The following TCEANC2 variants were observed in gnomAD, a reference collection of about 807,000 sequenced individuals.
TCEANC2 encodes transcription elongation factor A N-terminal and central domain containing 2.
TCEANC2 carries 20 observed loss-of-function variants against 22.8 expected under a neutral mutation model. The observed-to-expected ratio is 0.88, with a 90% confidence interval of 0.62 to 1.28. The LOEUF is 1.28. TCEANC2 is among the 50% of genes most tolerant of loss of function. TCEANC2 has a pLI of 0.00. For synonymous variants in TCEANC2, 84 were observed against 95.5 expected (o/e 0.88, Z 0.70); for missense variants, 251 against 249.7 (o/e 1.01, Z -0.03).
intron 2 of TCEANC2, among the ~76,000 whole-genome samples, chr1:54,064,968 G>A (rs1046780365): frequency 3.3e-5 from 5 of 152,132 alleles, no homozygotes; most frequent in Admixed American, 6.5e-5. Flanking sequence ...CCATAGTGCC[G>A]GGATTACAGG....
chr1:54,083,511 A>G (rs1230437530), intron 3 of TCEANC2, among the ~76,000 whole-genome samples: 1 of 152,222 alleles, frequency 6.6e-6, no homozygotes, highest in East Asian at 1.9e-4. Flanking sequence ...AGAGAGGCCA[A>G]GTAATGTCAG....
intron 3 of TCEANC2, among the ~76,000 whole-genome samples, chr1:54,072,436 G>A (rs1009847283): frequency 8.7e-5 from 13 of 148,616 alleles, no homozygotes; most frequent in Admixed American, 4.0e-4. Flanking sequence ...TTGCTCTGTC[G>A]CCCAGGCTGG....
chr1:54,066,736 C>T (rs1322783887), intron 2 of TCEANC2, among the ~76,000 whole-genome samples: 3 of 152,190 alleles, frequency 2.0e-5, no homozygotes, highest in African/African-American at 7.2e-5. Flanking sequence ...ATGATATTTG[C>T]ACTTTCTTCC....
At chr1:54,107,512 TG>T (rs1658777742), downstream of TCEANC2, among the ~76,000 whole-genome samples, 1 of 152,150 alleles carries the variant, frequency 6.6e-6, no homozygotes, top group Non-Finnish European at 1.5e-5. Flanking sequence ...GTTAGGGGGC[TG>T]GGGGTGGATT....
chr1:54,086,167 A>ACCAAC (rs1658336760), intron 3 of TCEANC2, among the ~76,000 whole-genome samples: 2 of 152,214 alleles, frequency 1.3e-5, no homozygotes, highest in South Asian at 4.1e-4. Flanking sequence ...CTCTCATTCA[A>ACCAAC]CCAACCTGCT....
chr1:54,072,664 G>T (rs1213536434), intron 3 of TCEANC2, among the ~76,000 whole-genome samples: 1 of 152,162 alleles, frequency 6.6e-6, no homozygotes, highest in African/African-American at 2.4e-5. Context: ...CAAAGTGCTG[G>T]GATTACAGGC....
chr1:54,079,932 A>T (rs1658207398), intron 3 of TCEANC2, among the ~76,000 whole-genome samples: 1 of 151,884 alleles, frequency 6.6e-6, no homozygotes, highest in East Asian at 1.9e-4. Flanking sequence ...TATTATTATT[A>T]TTTTTGTTTT....
intron 2 of TCEANC2, among the ~76,000 whole-genome samples, chr1:54,058,759 C>T (rs1657798393): frequency 1.3e-5 from 2 of 152,266 alleles, no homozygotes; most frequent in South Asian, 4.1e-4. Flanking sequence ...TGGGTTGAAG[C>T]GATTCTCCTG....
Position 54,099,469 on chromosome 1 carries a change from T to G in TCEANC2, c.*2996T>G. The G allele has an allele frequency of 6.6e-6, 1 of 152,130 alleles. No homozygotes were observed. Among genetic ancestry groups the G allele is most frequent in the East Asian group, 1.9e-4 (1 of 5,194 alleles). The allele number at this position is 152,130 out of a possible 1,614,324, so 9.4% of individuals were successfully genotyped here. A position where few individuals can be genotyped will look rare whatever the true frequency, so the allele number is the denominator to read the frequency against. Reference sequence around the variant, plus strand: ...TAAAAATGAAAAGGTTGAGGCCGGGTGCATTGGTTCATGCCTATAATCCCA... The same window carrying G: ...TAAAAATGAAAAGGTTGAGGCCGGGGGCATTGGTTCATGCCTATAATCCCA... On this transcript the variant is annotated 3_prime_UTR_variant, in exon 5 of 5. Coordinates refer to ENST00000234827, the MANE Select transcript of TCEANC2 (RefSeq NM_153035.3).
At chr1:54,075,402 A>G (rs1658127770) in intron 3 of TCEANC2, among the ~76,000 whole-genome samples, 1 of 152,222 alleles carries the variant, frequency 6.6e-6, no homozygotes. Flanking sequence ...AGGCAGAGAC[A>G]TGAGTAAAGG....
chr1:54,060,797 G>A (rs973575142), intron 2 of TCEANC2, among the ~76,000 whole-genome samples: 22 of 151,930 alleles, frequency 1.4e-4, no homozygotes, highest in East Asian at 1.9e-4. Flanking sequence ...AAAATTAGCC[G>A]GGTGTGGTGG....
At chr1:54,091,548 A>G (rs2100384020) in intron 4 of TCEANC2, among the ~76,000 whole-genome samples, 1 of 152,362 alleles carries the variant, frequency 6.6e-6, no homozygotes, top group Non-Finnish European at 1.5e-5. Flanking sequence ...TTTCACTCAT[A>G]TCCTTTAATA....
At chr1:54,084,018 G>A (rs935818367) in intron 3 of TCEANC2, among the ~76,000 whole-genome samples, 13 of 133,480 alleles carry the variant, frequency 9.7e-5, no homozygotes, top group East Asian at 2.2e-4. Flanking sequence ...GTGTTTTGTC[G>A]GGTTTTTTTT....
intron 2 of TCEANC2, among the ~76,000 whole-genome samples, chr1:54,061,074 A>G (rs1443138854): frequency 6.6e-6 from 1 of 152,214 alleles, no homozygotes; most frequent in Non-Finnish European, 1.5e-5. Flanking sequence ...ACTCTAGGGA[A>G]GTAGTGACAT....
intron 2 of TCEANC2, among the ~76,000 whole-genome samples, chr1:54,068,539 A>G (rs916956295): frequency 6.6e-6 from 1 of 152,162 alleles, no homozygotes; most frequent in African/African-American, 2.4e-5. Flanking sequence ...TAAAACTTGT[A>G]CTTTTCCTAA....
rs1462785760 is a variant in TCEANC2, at chr1:54,054,397, G to C, written c.-26G>C. 1.2e-6 allele frequency: 2 copies of C among 1,613,788 alleles called. No individual in the cohort carries two copies. The highest frequency in any genetic ancestry group is 1.1e-5 in the South Asian group (1 of 90,958). ...CTTGACCAGAACACGCTGCAAGCAC[G>C]TCAAGGTAGTCGGAGTCCCCTAACA... On this transcript the variant is annotated 5_prime_UTR_variant, in exon 2 of 5. Transcript: ENST00000234827.
At position 54,059,443 on chromosome 1, in the gene TCEANC2, C is replaced by G. The variant is rs560341864; in HGVS notation, c.102+4919C>G. On this transcript the variant is annotated intron_variant, in intron 2 of 4. Transcript: ENST00000234827. ...CTGGGATTACAGGCGTAAGCCACCA[C>G]ACTCTGTCAGGATCTTGAGTATTTT... Among the ~76,000 whole-genome samples the G allele has an allele frequency of 9.8e-5, 15 of 152,366 alleles. No homozygotes were observed. In the South Asian group the frequency reaches 2.9e-3, roughly 29 times the overall value.
intron 2 of TCEANC2, among the ~76,000 whole-genome samples, chr1:54,058,901 C>T (rs558050453): frequency 2.0e-5 from 3 of 152,252 alleles, no homozygotes; most frequent in Non-Finnish European, 4.4e-5. Flanking sequence ...GTGATCCTCC[C>T]GCCTCGGCCT....
chr1:54,067,032 T>C (rs914691115), intron 2 of TCEANC2, among the ~76,000 whole-genome samples: 1 of 152,102 alleles, frequency 6.6e-6, no homozygotes, highest in Non-Finnish European at 1.5e-5. Flanking sequence ...GAGAATTCCT[T>C]TGGATGAAGC....
Sources: allele counts gnomAD v4.1 joint callset (sites outside exome capture counted in the v4.1 genomes callset), GRCh38; gene constraint gnomAD v4.1.1; transcripts MANE v1.5; gene names NCBI Gene and HGNC (gene_info 2026-07-23, HGNC 2026-07-21).